Variants in TTN observed in about 807,000 individuals in gnomAD.
The protein encoded by TTN is titin.
In TTN, 1,525 loss-of-function variants were observed where a neutral mutation model predicts 3,223.0. That is an observed-to-expected ratio of 0.47 (90% CI 0.45 to 0.49). The LOEUF is 0.49. Among genes scored for constraint, TTN ranks in the 20% least tolerant of loss-of-function variants. The pLI, the probability that TTN is intolerant of heterozygous loss-of-function variation, is 0.00. For missense variants in TTN, 40,786 were observed against 43,424.0 expected, an observed-to-expected ratio of 0.94 and a Z score of 5.40; for synonymous variants, 14,094 against 15,161.0, an observed-to-expected ratio of 0.93 and a Z score of 5.17.
chr2:178,764,492 T>A, intron 42 of TTN, 35 bp downstream of exon 42: 1 of 1,613,686 alleles, frequency 6.2e-7, no homozygotes, highest in South Asian at 1.1e-5. Context: ...CTTCTTAGGT[T>A]TTATTTTCAG....
At chr2:178,619,080 T>C (rs1485057292) in intron 250 of TTN, 1 of 595,752 alleles carries the variant, frequency 1.7e-6, no homozygotes, top group Non-Finnish European at 2.8e-6. Context: ...CATAAAATCA[T>C]AAGACATGCA....
In TTN at chr2:178,617,836, T is replaced by C. The variant is rs1553710021; in HGVS notation, c.47515A>G (p.Ile15839Val). Residue 15839 changes from isoleucine (I) to valine (V), a missense_variant, in exon 253 of 363, where the codon ATT becomes GTT. Transcript: ENST00000589042. ...GCTGCACTTGGTTTTCCAACTCCAATTCGATTTTGGGCTCTCACTCGGAAA... is the reference window on the plus strand; with the variant it reads ...GCTGCACTTGGTTTTCCAACTCCAACTCGATTTTGGGCTCTCACTCGGAAA... The part of the protein sequence containing the change: ...YSFRVRAQNR[I>V]GVGKPSAATP... The C allele has an allele frequency of 6.2e-7, 1 of 1,612,532 alleles. No individual in the cohort carries two copies. The highest frequency in any genetic ancestry group is 8.5e-7 in the Non-Finnish European group (1 of 1,179,048).
Position 178,795,551 on chromosome 2 carries a change from T to C in TTN, c.915-299A>G, listed in dbSNP as rs139969188. Among the ~76,000 whole-genome samples the C allele has an allele frequency of 4.9e-3, 752 of 152,184 alleles. 7 individuals are homozygous for C. Among genetic ancestry groups the C allele is most frequent in the African/African-American group, 0.017 (707 of 41,514 alleles). On this transcript the variant is annotated intron_variant, in intron 6 of 362. Coordinates refer to ENST00000589042, the MANE Select transcript of TTN (RefSeq NM_001267550.2). The stretch of plus-strand genomic sequence containing the variant: ...AAAAATCACAACAGAAAAAGCTACT[T>C]CTTTAATATGCAGCCAAAGGAAAGA...
In TTN at chr2:178,561,134, G is replaced by A. The variant is rs886042586; in HGVS notation, c.84998C>T (p.Ala28333Val). The A allele has an allele frequency of 6.2e-6, 10 of 1,613,638 alleles. No homozygotes were observed. The highest frequency in any genetic ancestry group is 1.3e-5 in the African/African-American group (1 of 74,908). The change falls in exon 326 of 363, where the codon GCT (alanine) becomes GTT (valine). Residue 28333 changes from alanine to valine, a missense_variant. Physicochemically the swap from Ala to Val is moderately conservative, Grantham distance 64. Coordinates refer to ENST00000589042, the MANE Select transcript of TTN (RefSeq NM_001267550.2). ...TTCAGATGGCTCACTAACTGAGTCA[G>A]CAGCATTCCTTGCAAAAACCCGGAA... ...YEFRVFARNA[A>V]DSVSEPSEST...
intron 6 of TTN, among the ~76,000 whole-genome samples, chr2:178,795,805 T>C (rs987136726): frequency 1.3e-5 from 2 of 152,186 alleles, no homozygotes; most frequent in African/African-American, 4.8e-5. Flanking sequence ...GGGGGACACA[T>C]CCTCAGGAAG....
intron 26 of TTN, 47 bp downstream of exon 26, chr2:178,777,373 C>T (rs373943030): frequency 1.2e-6 from 2 of 1,612,520 alleles, no homozygotes; most frequent in Admixed American, 1.7e-5. Context: ...CTGTTTATAA[C>T]CCAAGTGATA....
intron 13 of TTN, among the ~76,000 whole-genome samples, chr2:178,787,741 T>G (rs2093277907): frequency 6.6e-6 from 1 of 152,124 alleles, no homozygotes; most frequent in Non-Finnish European, 1.5e-5. Context: ...GTAAAATATT[T>G]TAAATTGAGG....
rs202098308 is a variant in TTN at position 178,573,906 on chromosome 2, A to C, written c.72226T>G (p.Leu24076Val). Residue 24076 changes from leucine to valine, a missense_variant, in exon 326 of 363, where the codon TTA becomes GTA. Leu to Val is a conservative substitution (Grantham distance 32). Transcript: ENST00000589042. ...GAGAAATCTGCAATTTTTATTTCTA[A>C]CTTTGCTGTGCCTTCCAGCTCTTTT... ...DGKELEGTAK[L>V]EIKIADFSTN... 4.9e-5 allele frequency: 79 copies of C among 1,611,500 alleles called. No homozygotes were observed. Among genetic ancestry groups the C allele is most frequent in the Non-Finnish European group, 5.5e-5 (65 of 1,178,364 alleles).
chr2:178,741,544 C>T lies in TTN; in HGVS notation c.11689G>A (p.Asp3897Asn). 6.8e-6 allele frequency: 11 copies of T among 1,613,832 alleles called. No individual in the cohort carries two copies. The highest frequency in any genetic ancestry group is 7.6e-6 in the Non-Finnish European group (9 of 1,179,814). The part of the protein sequence containing the change: ...EGEYTCMASN[D>N]YGKTICSAYL... ...GCACTACATATTGTCTTTCCATAGT[C>T]ATTACTGGCCATACATGTATACTCT... The change falls in exon 48 of 363, where the codon GAC becomes AAC. Residue 3897 changes from aspartate (D) to asparagine (N), a missense_variant. Asp to Asn is a conservative substitution (Grantham distance 23). Coordinates refer to ENST00000589042, the MANE Select transcript of TTN (RefSeq NM_001267550.2).
intron 46 of TTN, among the ~76,000 whole-genome samples, chr2:178,754,289 G>C (rs1390350609): frequency 6.6e-6 from 1 of 151,918 alleles, no homozygotes; most frequent in Non-Finnish European, 1.5e-5. Flanking sequence ...TATAAAGACT[G>C]GCCTATGTCA....
chr2:178,531,240 C>T lies in TTN; in HGVS notation c.105375G>A (p.Thr35125=), dbSNP rs780294413. 9 of 1,613,896 alleles carry T rather than the reference C, an allele frequency of 5.6e-6. No homozygotes were observed. Among genetic ancestry groups the T allele is most frequent in the Middle Eastern group, 1.6e-4 (1 of 6,062 alleles). The change falls in exon 358 of 363, where the codon ACG becomes ACA. Residue 35125 remains threonine (T), a synonymous_variant. Coordinates refer to ENST00000589042, the MANE Select transcript of TTN (RefSeq NM_001267550.2). ...EEKSTTRKIK[T]TLAARILTKP... The stretch of plus-strand genomic sequence containing the variant: ...TTGTTAGAATTCTTGCTGCCAAAGT[C>T]GTCTTGATCTTTCTGGTTGTGGATT...
At position 178,676,011 on chromosome 2, in the gene TTN, T is replaced by G. The variant is rs566639062; in HGVS notation, c.34379-16A>C. The G allele has an allele frequency of 6.3e-7, 1 of 1,582,128 alleles. No individual in the cohort carries two copies. The highest frequency in any genetic ancestry group is 1.2e-5 in the South Asian group (1 of 86,646). ...ATTTCAGGCACTTTAAAGACATCAT[T>G]TCATGATAAGGATTTATTTTGAAGG... On this transcript the variant is annotated splice_polypyrimidine_tract_variant and intron_variant, in intron 147 of 362. Transcript: ENST00000589042.
chr2:178,782,956 C>T lies in TTN; in HGVS notation c.2950G>A (p.Glu984Lys), dbSNP rs753071669. 3 of 1,614,084 alleles carry T rather than the reference C, an allele frequency of 1.9e-6. No homozygotes were observed. Among genetic ancestry groups the T allele is most frequent in the Non-Finnish European group, 2.5e-6 (3 of 1,179,986 alleles). Residue 984 changes from glutamate to lysine, a missense_variant, in exon 18 of 363, where the codon GAA becomes AAA. Transcript: ENST00000589042. ...GTTATCTGGAAGTCAATGGAACTTT[C>T]GATTTGGTAGTCTTCCCTGTACCAT... The part of the protein sequence containing the change: ...VTWYREDYQI[E>K]SSIDFQITFQ...
Position 178,548,307 on chromosome 2 carries a change from G to A in TTN, c.93319C>T (p.Pro31107Ser). ...GVGEPYEMPE[P>S]IVATEQPAPP... ...GCAGGCTGTTCTGTGGCTACAATTG[G>A]TTCTGGCATTTCATAGGGCTCACCA... Residue 31107 changes from proline to serine, a missense_variant, in exon 339 of 363, where the codon CCA (proline) becomes TCA (serine). Transcript: ENST00000589042. This position sits in a 1 kb window ranked among gnomAD's most constrained non-coding sequence, Gnocchi z 4.3. 1 of 1,613,836 alleles carries A rather than the reference G, an allele frequency of 6.2e-7. No individual in the cohort carries two copies. The highest frequency in any genetic ancestry group is 8.5e-7 in the Non-Finnish European group (1 of 1,179,816).
rs1215311775 is a variant in TTN at position 178,734,359 on chromosome 2, C to A, written c.15465G>T (p.Lys5155Asn). 4.4e-6 allele frequency: 7 copies of A among 1,606,000 alleles called. No homozygotes were observed. The highest frequency in any genetic ancestry group is 6.0e-6 in the Non-Finnish European group (7 of 1,174,868). ...YECVVANEVG[K>N]CGCMATHLLK... Reference sequence around the variant, plus strand: ...GTAAGTGGGTTGCCATGCAGCCACACTTGCCGACTTCATTAGCAACAACAC... The same window carrying A: ...GTAAGTGGGTTGCCATGCAGCCACAATTGCCGACTTCATTAGCAACAACAC... The change falls in exon 52 of 363, where the codon AAG becomes AAT. Residue 5155 changes from lysine to asparagine, a missense_variant. Lys to Asn is a moderately conservative substitution (Grantham distance 94). Coordinates refer to ENST00000589042, the MANE Select transcript of TTN (RefSeq NM_001267550.2).
At chr2:178,777,344 G>C (rs751486202) in intron 26 of TTN, 27 bp from the exon 27 acceptor site, 3 of 1,613,292 alleles carry the variant, frequency 1.9e-6, no homozygotes, top group Non-Finnish European at 2.5e-6. Context: ...ATGATTTAGA[G>C]GGAGTAAGGC....
chr2:178,766,262 C>A, intron 41 of TTN, 119 bp downstream of exon 41: 1 of 817,438 alleles, frequency 1.2e-6, no homozygotes, highest in Non-Finnish European at 2.1e-6. Flanking sequence ...GTAGCTGGAA[C>A]CACATGAATA....
chr2:178,537,229 G>A lies in TTN; in HGVS notation c.99880C>T (p.Pro33294Ser). 1 of 1,596,904 alleles carries A rather than the reference G, an allele frequency of 6.3e-7. No individual in the cohort carries two copies. The highest frequency in any genetic ancestry group is 2.2e-5 in the East Asian group (1 of 44,572). ...GCTTCGATCACAATTGGTCCTGTAG[G>A]TTTGTCTGGTTTATCTGTTGGGGGA... ...DVEIQDKPDK[P>S]TGPIVIEALL... is the part of the protein sequence containing the mutation. The change falls in exon 356 of 363, where the codon CCT becomes TCT. Residue 33294 changes from proline (P) to serine (S), a missense_variant. Physicochemically the swap from Pro to Ser is moderately conservative, Grantham distance 74. Transcript: ENST00000589042.
chr2:178,590,192 A>T lies in TTN; in HGVS notation c.61533T>A (p.Thr20511=). ...CTCGGACCAATACTTTGCCTTCCTT[A>T]GTCCAAGTTATGTCTGGTTCAGGTC... is the stretch of plus-strand genomic sequence containing the variant. The part of the protein sequence containing the change: ...KGRPEPDITW[T]KEGKVLVREK... Residue 20511 remains threonine, a synonymous_variant, in exon 304 of 363, where the codon ACT becomes ACA. Transcript: ENST00000589042. 6.2e-7 allele frequency: 1 copy of T among 1,610,172 alleles called. No homozygotes were observed. Among genetic ancestry groups the T allele is most frequent in the Non-Finnish European group, 8.5e-7 (1 of 1,178,128 alleles).
Sources: allele counts gnomAD v4.1 joint callset (sites outside exome capture counted in the v4.1 genomes callset), GRCh38; gene constraint gnomAD v4.1.1; non-coding constraint Gnocchi (gnomAD v3.1); transcripts MANE v1.5; gene names NCBI Gene and HGNC (gene_info 2026-07-23, HGNC 2026-07-21).